The following RNF169 variants were observed in gnomAD, a reference collection of about 807,000 sequenced individuals.
RNF169 encodes ring finger protein 169.
A neutral mutation model predicts 53.9 loss-of-function variants in RNF169; 24 were observed. The observed-to-expected ratio is 0.45, with a 90% CI of 0.32 to 0.63. The LOEUF (loss-of-function observed/expected upper bound fraction) is 0.63. RNF169 is among the 20% of genes least tolerant of loss of function. The probability of loss-of-function intolerance (pLI) is 0.04; values close to 1 mark genes in which losing one functional copy is unlikely to be tolerated. For missense variants in RNF169, 883 were observed against 906.2 expected (o/e 0.97, Z 0.33); for synonymous variants, 396 against 363.5 (o/e 1.09, Z -1.02).
At chr11:74,766,755 T>TA (rs1199351456) in intron 1 of RNF169, among the ~76,000 whole-genome samples, 1 of 152,102 alleles carries the variant, frequency 6.6e-6, no homozygotes, top group Non-Finnish European at 1.5e-5. Flanking sequence ...AACTTTTCCA[T>TA]AAAAAAAGCA....
chr11:74,802,744 CAT>C (rs753072717), intron 2 of RNF169, among the ~76,000 whole-genome samples: 61 of 152,224 alleles, frequency 4.0e-4, no homozygotes, highest in Non-Finnish European at 7.9e-4. Flanking sequence ...AATTGCCTAA[CAT>C]ATAGAATCTG....
intron 4 of RNF169, among the ~76,000 whole-genome samples, chr11:74,827,782 C>G (rs552467114): frequency 6.6e-6 from 1 of 152,142 alleles, no homozygotes; most frequent in Non-Finnish European, 1.5e-5. Flanking sequence ...ATTCAGCACC[C>G]CTTCATGTTG....
rs995833268 is a variant in RNF169 at position 74,838,354 on chromosome 11, G to A, written c.*1624G>A. ...TGTGGTTATTTGTGGTTGAGAGAGA[G>A]AGAGAATGTAATGTCTGAGACTAGC... On this transcript the variant is annotated 3_prime_UTR_variant, in exon 6 of 6. Coordinates refer to ENST00000299563, the MANE Select transcript of RNF169 (RefSeq NM_001098638.2). 8.5e-5 allele frequency: 13 copies of A among 152,250 alleles called. No individual in the cohort carries two copies. The highest frequency in any genetic ancestry group is 3.3e-4 in the Admixed American group (5 of 15,292). The allele number at this position is 152,250 out of a possible 1,614,324, so 9.4% of individuals were successfully genotyped here.
intron 2 of RNF169, among the ~76,000 whole-genome samples, chr11:74,790,301 T>C (rs1437280073): frequency 6.6e-6 from 1 of 152,252 alleles, no homozygotes; most frequent in Admixed American, 6.5e-5. Flanking sequence ...TGTCATTCTT[T>C]CCCAGCCCTC....
At chr11:74,824,145 G>T (rs2036059202) in intron 4 of RNF169, among the ~76,000 whole-genome samples, 1 of 152,192 alleles carries the variant, frequency 6.6e-6, no homozygotes, top group South Asian at 2.1e-4. Flanking sequence ...TATGGGCAAA[G>T]AACTAAAGGA....
At chr11:74,756,391 G>A (rs1012622075) in intron 1 of RNF169, among the ~76,000 whole-genome samples, 38 of 152,206 alleles carry the variant, frequency 2.5e-4, no homozygotes, top group African/African-American at 8.9e-4. Flanking sequence ...ATTTATAGCT[G>A]TATGTTATTG....
chr11:74,759,857 A>G (rs894935435), intron 1 of RNF169, among the ~76,000 whole-genome samples: 26 of 151,636 alleles, frequency 1.7e-4, no homozygotes, highest in Non-Finnish European at 2.9e-4. Flanking sequence ...CTCTTTTTCT[A>G]TTGATTGGAA....
intron 1 of RNF169, among the ~76,000 whole-genome samples, chr11:74,755,624 CAG>C (rs1250942474): frequency 6.6e-6 from 1 of 152,166 alleles, no homozygotes; most frequent in African/African-American, 2.4e-5. Context: ...ACAATGCTAA[CAG>C]AGTAGAGGAA....
intron 1 of RNF169, among the ~76,000 whole-genome samples, 153 bp downstream of exon 1, chr11:74,749,535 G>A (rs1484547648): frequency 6.6e-6 from 1 of 152,228 alleles, no homozygotes; most frequent in African/African-American, 2.4e-5. Flanking sequence ...GGTGCAGTGT[G>A]TTTGTGAATT....
chr11:74,833,154 G>T (rs1220504618), intron 4 of RNF169, among the ~76,000 whole-genome samples: 1 of 152,152 alleles, frequency 6.6e-6, no homozygotes, highest in African/African-American at 2.4e-5. Flanking sequence ...GAATAACACA[G>T]AAATACTGGA....
intron 1 of RNF169, among the ~76,000 whole-genome samples, chr11:74,782,631 G>A (rs2035432571): frequency 6.6e-6 from 1 of 152,090 alleles, no homozygotes; most frequent in Non-Finnish European, 1.5e-5. Flanking sequence ...GCCCCTTATG[G>A]CATGTTGAAA....
chr11:74,784,038 A>G (rs1464348790), intron 1 of RNF169, among the ~76,000 whole-genome samples: 2 of 152,176 alleles, frequency 1.3e-5, no homozygotes, highest in African/African-American at 4.8e-5. Context: ...CTTTCTCATA[A>G]TAGTCCAGGT....
chr11:74,839,880 A>G lies in RNF169; in HGVS notation c.*3150A>G, dbSNP rs889786493. ...TTTAATCTATTTGCCTCTTTTTAAA[A>G]AAGGTTAAGTCTTCTTGGGTGAGGC... is the stretch of plus-strand genomic sequence containing the variant. On this transcript the variant is annotated 3_prime_UTR_variant, in exon 6 of 6. Transcript: ENST00000299563. 1 of 152,204 alleles carries G rather than the reference A, an allele frequency of 6.6e-6. No homozygotes were observed. Among genetic ancestry groups the G allele is most frequent in the African/African-American group, 2.4e-5 (1 of 41,450 alleles). The allele number at this position is 152,204 out of a possible 1,614,324, so 9.4% of individuals were successfully genotyped here.
intron 4 of RNF169, among the ~76,000 whole-genome samples, chr11:74,824,605 A>G (rs2036065321): frequency 6.6e-6 from 1 of 152,264 alleles, no homozygotes; most frequent in Admixed American, 6.5e-5. Flanking sequence ...GAAATAGCAA[A>G]GATCACAAAT....
At chr11:74,820,350 G>T (rs1185927066) in intron 4 of RNF169, among the ~76,000 whole-genome samples, 2 of 151,936 alleles carry the variant, frequency 1.3e-5, no homozygotes, top group African/African-American at 2.4e-5. Context: ...GGGCAGGGGG[G>T]TTTACTCTAT....
chr11:74,807,522 C>CT (rs912376970), intron 2 of RNF169, among the ~76,000 whole-genome samples: 7 of 152,118 alleles, frequency 4.6e-5, no homozygotes, highest in African/African-American at 1.7e-4. Context: ...GTCAGTTGTG[C>CT]TGAGGTTGAG....
chr11:74,798,497 G>T (rs2035682419), intron 2 of RNF169, among the ~76,000 whole-genome samples: 1 of 152,150 alleles, frequency 6.6e-6, no homozygotes, highest in African/African-American at 2.4e-5. Flanking sequence ...CCTGTCTCCT[G>T]ATAAGATGTT....
At chr11:74,798,882 AC>A (rs1200244176) in intron 2 of RNF169, among the ~76,000 whole-genome samples, 2 of 152,002 alleles carry the variant, frequency 1.3e-5, no homozygotes, top group Non-Finnish European at 2.9e-5. Context: ...AGACCTCGTC[AC>A]TACAAAAAAT....
At chr11:74,767,672 C>G (rs1357093478) in intron 1 of RNF169, among the ~76,000 whole-genome samples, 1 of 152,104 alleles carries the variant, frequency 6.6e-6, no homozygotes, top group Non-Finnish European at 1.5e-5. Flanking sequence ...TGGGTTCACG[C>G]CATTCTCCTG....
Sources: gnomAD v4.1 joint callset for allele counts (sites outside exome capture counted in the v4.1 genomes callset) on GRCh38, gnomAD v4.1.1 for gene constraint, MANE v1.5 for transcripts, NCBI Gene and HGNC (gene_info 2026-07-23, HGNC 2026-07-21) for gene names.